PRKAR2B: variants seen among roughly 807,000 people sequenced by gnomAD.
PRKAR2B encodes the protein protein kinase cAMP-dependent type II regulatory subunit beta, also known as cAMP-dependent protein kinase type II-beta regulatory subunit.
In PRKAR2B, 14 loss-of-function variants were observed where a neutral mutation model predicts 49.9. That is an observed-to-expected ratio of 0.28 (90% CI 0.19 to 0.44). The LOEUF (loss-of-function observed/expected upper bound fraction) is 0.44, where lower values mean the gene tolerates loss of function less well. Ranked by LOEUF, PRKAR2B falls within the 20% of genes least tolerant of loss-of-function variation. The probability of loss-of-function intolerance (pLI) is 1.00; values close to 1 mark genes in which losing one functional copy is unlikely to be tolerated. For synonymous variants in PRKAR2B, 196 were observed against 197.7 expected (o/e 0.99, Z 0.07); for missense variants, 393 against 537.9 (o/e 0.73, Z 2.67).
intron 2 of PRKAR2B, among the ~76,000 whole-genome samples, chr7:107,089,470 A>T (rs57026797): frequency 1.2e-4 from 19 of 152,298 alleles, no homozygotes; most frequent in African/African-American, 4.1e-4. Flanking sequence ...ATAAACACCA[A>T]CTACTGCGTT....
At chr7:107,098,931 G>A (rs1404670535) in intron 2 of PRKAR2B, among the ~76,000 whole-genome samples, 4 of 152,176 alleles carry the variant, frequency 2.6e-5, no homozygotes, top group Non-Finnish European at 4.4e-5. Flanking sequence ...GCCCCTACTG[G>A]GAGGTGTCTC....
intron 2 of PRKAR2B, 106 bp downstream of exon 2, chr7:107,070,422 A>G: frequency 1.0e-6 from 1 of 984,048 alleles, no homozygotes; most frequent in South Asian, 1.6e-5. Flanking sequence ...GTAAACCTTT[A>G]TTTGTCAGTT....
chr7:107,074,459 G>T (rs1339582816), intron 2 of PRKAR2B, among the ~76,000 whole-genome samples: 5 of 152,068 alleles, frequency 3.3e-5, no homozygotes, highest in African/African-American at 1.2e-4. Context: ...ATTCTTTTTG[G>T]TGGAAAATGG....
chr7:107,105,346 T>C lies in PRKAR2B; in HGVS notation c.344-16606T>C, dbSNP rs2159749. On this transcript the variant is annotated intron_variant, in intron 2 of 10. Coordinates refer to ENST00000265717, the MANE Select transcript of PRKAR2B (RefSeq NM_002736.3). ...TCCTAATTGAACTGTGGCCTGTAAG[T>C]GGGAACATAAGTCTCTTCCCAGTAA... Among the ~76,000 whole-genome samples the C allele has an allele frequency of 7.0e-3, 1,068 of 152,276 alleles. 15 individuals are homozygous for C. The highest frequency in any genetic ancestry group is 0.023 in the Admixed American group (344 of 15,288).
intron 1 of PRKAR2B, among the ~76,000 whole-genome samples, chr7:107,054,193 C>T (rs573033394): frequency 4.6e-5 from 7 of 152,090 alleles, no homozygotes; most frequent in African/African-American, 1.7e-4. Context: ...ACTAAAAATA[C>T]ACACAAAAAA....
At chr7:107,101,135 A>ATTTTTTGTTTTT (rs1794955343) in intron 2 of PRKAR2B, among the ~76,000 whole-genome samples, 1 of 94,690 alleles carries the variant, frequency 1.1e-5, no homozygotes, top group Non-Finnish European at 2.0e-5. Flanking sequence ...GTTGTTGCTT[A>ATTTTTTGTTTTT]TTTTTTTTTT....
At chr7:107,143,629 A>G (rs1584450974) in intron 5 of PRKAR2B, among the ~76,000 whole-genome samples, 1 of 152,234 alleles carries the variant, frequency 6.6e-6, no homozygotes, top group Non-Finnish European at 1.5e-5. Flanking sequence ...GCTTATTGGT[A>G]GCATATAAAT....
In PRKAR2B at chr7:107,142,377, GTAATGATTTTTATATCA is replaced by G. The variant is rs1224318678; in HGVS notation, c.587+1426_587+1442del. The stretch of plus-strand genomic sequence containing the variant: ...ACCAGTTATCTATATGTGAATCAAA[GTAATGATTTTTATATCA>G]TTAATAGCTATCATCACTGAAACAC... On this transcript the variant is annotated intron_variant, in intron 5 of 10. Coordinates refer to ENST00000265717, the MANE Select transcript of PRKAR2B (RefSeq NM_002736.3). 3.2e-4 allele frequency among the ~76,000 whole-genome samples: 49 copies of G among 152,254 alleles called. No homozygotes were observed. In the East Asian group the frequency reaches 8.7e-3, roughly 27 times the overall value.
chr7:107,063,760 A>G (rs1449382307), intron 1 of PRKAR2B, among the ~76,000 whole-genome samples: 2 of 152,144 alleles, frequency 1.3e-5, no homozygotes, highest in Admixed American at 6.5e-5. Context: ...CTTCATTTCA[A>G]AGTCTCCCTC....
At chr7:107,123,377 T>A (rs758935737) in intron 3 of PRKAR2B, among the ~76,000 whole-genome samples, 12 of 152,178 alleles carry the variant, frequency 7.9e-5, no homozygotes, top group Non-Finnish European at 1.3e-4. Context: ...CAGTTAAGAT[T>A]CATTTGACTG....
At chr7:107,099,448 T>C (rs1794913417) in intron 2 of PRKAR2B, among the ~76,000 whole-genome samples, 1 of 152,154 alleles carries the variant, frequency 6.6e-6, no homozygotes, top group African/African-American at 2.4e-5. Flanking sequence ...GGGAATTCCC[T>C]GACCCCTTGT....
At chr7:107,054,360 AAAAC>A (rs1167921280) in intron 1 of PRKAR2B, among the ~76,000 whole-genome samples, 1 of 152,086 alleles carries the variant, frequency 6.6e-6, no homozygotes, top group Non-Finnish European at 1.5e-5. Context: ...ACAAAACAAC[AAAAC>A]AAACAAAAAC....
chr7:107,120,491 C>T (rs1441014425), intron 2 of PRKAR2B, among the ~76,000 whole-genome samples: 2 of 152,200 alleles, frequency 1.3e-5, no homozygotes, highest in South Asian at 2.1e-4. Context: ...TTTGATGCCA[C>T]CCTGAGGGAC....
At chr7:107,103,706 G>A (rs1490039673) in intron 2 of PRKAR2B, among the ~76,000 whole-genome samples, 1 of 152,208 alleles carries the variant, frequency 6.6e-6, no homozygotes, top group Non-Finnish European at 1.5e-5. Context: ...TTTTTCTATC[G>A]GTAGAGTGGT....
intron 1 of PRKAR2B, among the ~76,000 whole-genome samples, chr7:107,061,781 C>G (rs1317521316): frequency 6.6e-6 from 1 of 152,140 alleles, no homozygotes; most frequent in Non-Finnish European, 1.5e-5. Context: ...CCTTTAATCC[C>G]AGCTACTTGG....
At chr7:107,144,055 TATTTATTTA>T (rs1215888319) in intron 5 of PRKAR2B, among the ~76,000 whole-genome samples, 48 of 23,136 alleles carry the variant, frequency 2.1e-3, no homozygotes, top group Admixed American at 0.013. Context: ...ATTCTTTTCT[TATTTATTTA>T]TTTATTTATT....
chr7:107,071,070 T>TGA (rs1794259738), intron 2 of PRKAR2B, among the ~76,000 whole-genome samples: 2 of 152,210 alleles, frequency 1.3e-5, no homozygotes, highest in African/African-American at 4.8e-5. Context: ...GATAAACTAT[T>TGA]ATTTAGAAAA....
chr7:107,152,735 T>C (rs1796012241), intron 7 of PRKAR2B, among the ~76,000 whole-genome samples: 1 of 152,188 alleles, frequency 6.6e-6, no homozygotes. Context: ...AAAAATTTTG[T>C]CCACATCACA....
intron 1 of PRKAR2B, among the ~76,000 whole-genome samples, chr7:107,047,832 G>A (rs1292785048): frequency 3.9e-5 from 6 of 152,264 alleles, no homozygotes; most frequent in Middle Eastern, 3.4e-3. Context: ...TTTTTAAATA[G>A]GTTGAGATGG....
Sources: allele counts gnomAD v4.1 joint callset (sites outside exome capture counted in the v4.1 genomes callset), GRCh38; gene constraint gnomAD v4.1.1; transcripts MANE v1.5; gene names NCBI Gene and HGNC (gene_info 2026-07-23, HGNC 2026-07-21).